Variants in MTF1 observed in about 807,000 individuals in gnomAD.
MTF1 encodes the protein metal regulatory transcription factor 1.
Under a neutral mutation model 70.4 loss-of-function variants are expected in MTF1, and 22 were observed. That is an observed-to-expected ratio of 0.31 (90% CI 0.22 to 0.45). MTF1 has a LOEUF of 0.45. MTF1 is among the 20% of genes least tolerant of loss of function. The pLI, the probability that MTF1 is intolerant of heterozygous loss-of-function variation, is 1.00. For synonymous variants in MTF1, 333 were observed against 352.8 expected, an observed-to-expected ratio of 0.94 and a Z score of 0.63; for missense variants, 649 against 922.0, an observed-to-expected ratio of 0.70 and a Z score of 3.83.
At chr1:37,828,571 T>C (rs1439438358) in intron 7 of MTF1, among the ~76,000 whole-genome samples, 3 of 152,044 alleles carry the variant, frequency 2.0e-5, no homozygotes, top group Admixed American at 6.5e-5. Flanking sequence ...TCCCAAAGTG[T>C]TGGGATTATA....
intron 1 of MTF1, among the ~76,000 whole-genome samples, chr1:37,858,711 C>T (rs1483315117): frequency 1.3e-5 from 2 of 152,148 alleles, no homozygotes; most frequent in African/African-American, 4.8e-5. Flanking sequence ...CAGGAAATGT[C>T]AGCTAAATGA....
At chr1:37,823,840 T>C (rs368541299) in intron 7 of MTF1, 28 bp from the exon 8 acceptor site, 90 of 1,536,018 alleles carry the variant, frequency 5.9e-5, no homozygotes, top group African/African-American at 1.4e-4. Context: ...AGATGTGAGA[T>C]TGGCCATCTT....
intron 1 of MTF1, among the ~76,000 whole-genome samples, chr1:37,858,015 T>TAAAAAAAAAA (rs71053997): frequency 1.6e-5 from 2 of 124,026 alleles, no homozygotes; most frequent in Admixed American, 8.1e-5. Flanking sequence ...CCATCTCTAA[T>TAAAAAAAAAA]AAAAAAAAAA....
chr1:37,848,744 A>G (rs1372075865), intron 2 of MTF1, among the ~76,000 whole-genome samples: 1 of 152,212 alleles, frequency 6.6e-6, no homozygotes, highest in Non-Finnish European at 1.5e-5. Flanking sequence ...TATGGGGGTA[A>G]ATGGAAAATG....
At chr1:37,816,860 A>AAAAAC (rs1014692725) in intron 10 of MTF1, among the ~76,000 whole-genome samples, 1 of 152,080 alleles carries the variant, frequency 6.6e-6, no homozygotes, top group Non-Finnish European at 1.5e-5. Context: ...ACCTTGTCTC[A>AAAAAC]AAAACAAAAC....
At chr1:37,839,344 T>C (rs1641222007) in intron 3 of MTF1, among the ~76,000 whole-genome samples, 1 of 152,218 alleles carries the variant, frequency 6.6e-6, no homozygotes, top group African/African-American at 2.4e-5. Flanking sequence ...AACCCCTCTG[T>C]GCTTCCATTT....
In MTF1 at chr1:37,815,554, T is replaced by C. The variant is rs779231136; in HGVS notation, c.1844A>G (p.Gln615Arg). 3.9e-6 allele frequency: 6 copies of C among 1,529,328 alleles called. No individual in the cohort carries two copies. Among genetic ancestry groups the C allele is most frequent in the Non-Finnish European group, 8.8e-7 (1 of 1,141,298 alleles). The allele number at this position is 1,529,328 out of a possible 1,614,324, so 94.7% of individuals were successfully genotyped here. A position where few individuals can be genotyped will look rare whatever the true frequency, so the allele number is the denominator to read the frequency against. The change falls in exon 11 of 11, where the codon CAG becomes CGG. Residue 615 changes from glutamine (Q) to arginine (R), a missense_variant. Transcript: ENST00000373036. This position sits in a 1 kb window ranked among gnomAD's most constrained non-coding sequence, Gnocchi z 4.5. ...CACAGGAACACTGAGGCCAATCTGC[T>C]GGACAGAGCTCCCTGCGAGAGAGGC... Reference protein sequence around the residue: ...PVASSPGSSVQQIGLSVPVII... With the variant: ...PVASSPGSSVRQIGLSVPVII...
intron 7 of MTF1, 24 bp from the exon 8 acceptor site, chr1:37,823,836 G>A (rs1381633329): frequency 6.5e-7 from 1 of 1,543,952 alleles, no homozygotes; most frequent in East Asian, 2.2e-5. Context: ...ACAAAGATGT[G>A]AGATTGGCCA....
chr1:37,857,692 G>C lies in MTF1; in HGVS notation c.-34C>G, dbSNP rs1641519912. On this transcript the variant is annotated 5_prime_UTR_variant, in exon 2 of 11. Transcript: ENST00000373036. ...TGTGCTCAGCCCAGTTGTGAGAAAT[G>C]AAAACGTAATGACTTGTCTGCAACA... is the stretch of plus-strand genomic sequence containing the variant. 1.2e-6 allele frequency: 2 copies of C among 1,600,170 alleles called. No individual in the cohort carries two copies. Among genetic ancestry groups the C allele is most frequent in the Non-Finnish European group, 1.7e-6 (2 of 1,171,606 alleles).
At chr1:37,835,806 CT>C (rs554128002) in intron 4 of MTF1, 62 bp from the exon 5 acceptor site, 122,563 of 924,356 alleles carry the variant, frequency 0.13, 93 homozygotes, top group South Asian at 0.2. Flanking sequence ...TCCTGAACGT[CT>C]TTTTTTTTTT....
chr1:37,856,108 C>T (rs948868725), intron 2 of MTF1, among the ~76,000 whole-genome samples: 4 of 149,944 alleles, frequency 2.7e-5, no homozygotes, highest in Non-Finnish European at 5.9e-5. Flanking sequence ...ATTAGCTAAA[C>T]ATGAAAATGA....
At chr1:37,841,190 G>T in intron 2 of MTF1, 1 of 156,608 alleles carries the variant, frequency 6.4e-6, no homozygotes, top group South Asian at 1.7e-4. Flanking sequence ...GGCCATCGGG[G>T]ACTACGGTGG....
chr1:37,829,240 GACA>G (rs1262463237), intron 7 of MTF1, among the ~76,000 whole-genome samples: 3 of 151,570 alleles, frequency 2.0e-5, no homozygotes, highest in African/African-American at 7.3e-5. Flanking sequence ...AGATAGCTGG[GACA>G]ACACCAGCTA....
In MTF1 at chr1:37,810,469, T is replaced by C; in HGVS notation, c.*4667A>G. The C allele has an allele frequency of 6.6e-6, 1 of 152,164 alleles. No homozygotes were observed. Among genetic ancestry groups the C allele is most frequent in the South Asian group, 2.1e-4 (1 of 4,836 alleles). The allele number at this position is 152,164 out of a possible 1,614,324, so 9.4% of individuals were successfully genotyped here. ...TCAGTGCAGACTGAGAAGCCCTCTC[T>C]TGAACAGGAGTAACAGTGAGAAATG... On this transcript the variant is annotated 3_prime_UTR_variant, in exon 11 of 11. Transcript: ENST00000373036.
intron 2 of MTF1, among the ~76,000 whole-genome samples, chr1:37,846,388 A>AT (rs1301558381): frequency 6.9e-6 from 1 of 144,310 alleles, no homozygotes; most frequent in Non-Finnish European, 1.5e-5. Context: ...GTGAGACCCC[A>AT]TTTAAAAAAA....
chr1:37,834,188 A>G (rs951490870), intron 6 of MTF1, among the ~76,000 whole-genome samples: 8 of 152,162 alleles, frequency 5.3e-5, no homozygotes, highest in African/African-American at 1.9e-4. Context: ...ACTCCAGCCT[A>G]CAGGACAGAG....
intron 4 of MTF1, among the ~76,000 whole-genome samples, chr1:37,836,571 C>T (rs1157341377): frequency 6.6e-6 from 1 of 152,158 alleles, no homozygotes; most frequent in Non-Finnish European, 1.5e-5. Context: ...ACTCCTAAGG[C>T]TTTTCTTTAC....
At position 37,832,337 on chromosome 1, in the gene MTF1, A is replaced by G; in HGVS notation, c.991-15T>C. ...TGATTTGTATCCTGTGAAAGAGAAA[A>G]AATTCTAATTGAGTAACAAAAATCA... is the stretch of plus-strand genomic sequence containing the variant. On this transcript the variant is annotated splice_polypyrimidine_tract_variant and intron_variant, in intron 6 of 10. Coordinates refer to ENST00000373036, the MANE Select transcript of MTF1 (RefSeq NM_005955.3). The G allele has an allele frequency of 6.3e-7, 1 of 1,579,068 alleles. No individual in the cohort carries two copies. Among genetic ancestry groups the G allele is most frequent in the Non-Finnish European group, 8.7e-7 (1 of 1,151,064 alleles).
chr1:37,822,407 G>T lies in MTF1; in HGVS notation c.1481C>A (p.Pro494His). 1.2e-6 allele frequency: 2 copies of T among 1,614,164 alleles called. No individual in the cohort carries two copies. Among genetic ancestry groups the T allele is most frequent in the South Asian group, 1.1e-5 (1 of 91,080 alleles). The change falls in exon 9 of 11, where the codon CCC becomes CAC. Residue 494 changes from proline (P) to histidine (H), a missense_variant. Pro to His is a moderately conservative substitution (Grantham distance 77). Coordinates refer to ENST00000373036, the MANE Select transcript of MTF1 (RefSeq NM_005955.3). ...EFLPHPQAPQ[P>H]IVPGLSVVAG... Reference sequence around the variant, plus strand: ...AACAACAGAAAGTCCTGGTACAATGGGCTGCGGTGCCTGGGGGTGCGGAAG... The same window carrying T: ...AACAACAGAAAGTCCTGGTACAATGTGCTGCGGTGCCTGGGGGTGCGGAAG...
Sources: allele counts gnomAD v4.1 joint callset (sites outside exome capture counted in the v4.1 genomes callset), GRCh38; gene constraint gnomAD v4.1.1; non-coding constraint Gnocchi (gnomAD v3.1); transcripts MANE v1.5; gene names NCBI Gene and HGNC (gene_info 2026-07-23, HGNC 2026-07-21).